Variants in KMT2E observed in about 807,000 individuals in gnomAD.
KMT2E encodes the protein histone reader KMT2E.
A neutral mutation model predicts 184.6 loss-of-function variants in KMT2E; 30 were observed. That is an observed-to-expected ratio of 0.16 (90% CI 0.12 to 0.22). KMT2E has a LOEUF of 0.22. KMT2E is among the 10% of genes least tolerant of loss of function. The pLI, the probability that KMT2E is intolerant of heterozygous loss-of-function variation, is 1.00. For synonymous variants in KMT2E, 815 were observed against 776.5 expected, an observed-to-expected ratio of 1.05 and a Z score of -0.82; for missense variants, 2,023 against 2,237.4, an observed-to-expected ratio of 0.90 and a Z score of 1.93.
chr7:105,071,824 T>C (rs1797334549), intron 6 of KMT2E, among the ~76,000 whole-genome samples: 1 of 151,430 alleles, frequency 6.6e-6, no homozygotes, highest in Non-Finnish European at 1.5e-5. Flanking sequence ...AACAGAGTGT[T>C]TGACAGACTT....
chr7:105,082,796 A>T (rs1423435501), intron 13 of KMT2E, among the ~76,000 whole-genome samples: 1 of 152,220 alleles, frequency 6.6e-6, no homozygotes, highest in Non-Finnish European at 1.5e-5. Flanking sequence ...TTCAGTGCCC[A>T]TATCATAGAA....
intron 6 of KMT2E, among the ~76,000 whole-genome samples, chr7:105,073,070 T>C (rs1317165148): frequency 6.6e-6 from 1 of 152,002 alleles, no homozygotes; most frequent in Non-Finnish European, 1.5e-5. Context: ...TTCAGACTTT[T>C]TGCTTTAAAT....
intron 15 of KMT2E, among the ~76,000 whole-genome samples, chr7:105,099,864 C>A (rs1798581948): frequency 1.3e-5 from 2 of 152,142 alleles, no homozygotes. Context: ...GGAAAATGAT[C>A]TTTTTAGTTA....
chr7:105,026,887 G>A (rs9655780), intron 1 of KMT2E, among the ~76,000 whole-genome samples: 135,094 of 152,134 alleles, frequency 0.89, 60,336 homozygotes, highest in East Asian at 1. Context: ...TTTAAAATTG[G>A]TACCTCTTAC....
At chr7:105,066,852 G>C in intron 6 of KMT2E, 45 bp downstream of exon 6, 1 of 1,247,096 alleles carries the variant, frequency 8.0e-7, no homozygotes, top group African/African-American at 1.5e-5. Flanking sequence ...TTTTACTGAG[G>C]TAATACTAGT....
intron 3 of KMT2E, among the ~76,000 whole-genome samples, chr7:105,060,724 C>T (rs954486575): frequency 6.6e-6 from 1 of 152,172 alleles, no homozygotes; most frequent in Admixed American, 6.5e-5. Flanking sequence ...GCATGAGCCA[C>T]CACACCCAGC....
Position 105,111,978 on chromosome 7 carries a change from A to C in KMT2E, c.4222A>C (p.Asn1408His), listed in dbSNP as rs575388598. ...ELQQKQLSNNNQALSKNHPPQ... is the reference protein window; with the variant it reads ...ELQQKQLSNNHQALSKNHPPQ... ...CCAACAAAAACAGCTATCAAATAAC[A>C]ACCAAGCACTTTCAAAGAATCATCC... is the stretch of plus-strand genomic sequence containing the variant. Residue 1408 changes from asparagine to histidine, a missense_variant, in exon 27 of 27, where the codon AAC becomes CAC. Asn to His is a moderately conservative substitution (Grantham distance 68). Transcript: ENST00000311117. 15 of 1,614,158 alleles carry C rather than the reference A, an allele frequency of 9.3e-6. No individual in the cohort carries two copies. Among genetic ancestry groups the C allele is most frequent in the Middle Eastern group, 1.6e-4 (1 of 6,062 alleles).
chr7:105,111,483 T>C (rs1799270551), intron 26 of KMT2E, among the ~76,000 whole-genome samples: 1 of 152,050 alleles, frequency 6.6e-6, no homozygotes, highest in Admixed American at 6.6e-5. Context: ...AATTATAAAA[T>C]TGAAACTTGC....
chr7:105,082,556 C>T (rs928019606), intron 13 of KMT2E, among the ~76,000 whole-genome samples: 1 of 151,992 alleles, frequency 6.6e-6, no homozygotes, highest in Non-Finnish European at 1.5e-5. Context: ...TCGTAAAGGT[C>T]TTCATCCTCA....
Position 105,077,441 on chromosome 7 carries a change from C to A in KMT2E, c.1130+8C>A. On this transcript the variant is annotated splice_region_variant and intron_variant, in intron 11 of 26. Transcript: ENST00000311117. Reference sequence around the variant, plus strand: ...TGGGTATTTCTTTAAAAGGTATATTCATTTATTTTCCCATGTTCATTTTCT... The same window carrying A: ...TGGGTATTTCTTTAAAAGGTATATTAATTTATTTTCCCATGTTCATTTTCT... The A allele has an allele frequency of 6.3e-7, 1 of 1,591,472 alleles. No homozygotes were observed. The highest frequency in any genetic ancestry group is 1.1e-5 in the South Asian group (1 of 87,458).
chr7:105,059,984 T>TG (rs1562898218), intron 3 of KMT2E, among the ~76,000 whole-genome samples: 13 of 44,110 alleles, frequency 2.9e-4, no homozygotes, highest in African/African-American at 8.7e-4. Flanking sequence ...TGTTGTTTTT[T>TG]TTTTTTTTTT....
intron 3 of KMT2E, among the ~76,000 whole-genome samples, chr7:105,058,713 G>C (rs1796671042): frequency 6.6e-6 from 1 of 152,066 alleles, no homozygotes; most frequent in Admixed American, 6.5e-5. Flanking sequence ...ATACCTTATT[G>C]CTTATATATT....
intron 3 of KMT2E, among the ~76,000 whole-genome samples, chr7:105,050,334 A>G (rs1027686620): frequency 1.1e-4 from 17 of 152,164 alleles, no homozygotes; most frequent in African/African-American, 4.1e-4. Flanking sequence ...ACTAACCACT[A>G]TTGGTCATTT....
intron 3 of KMT2E, among the ~76,000 whole-genome samples, chr7:105,052,607 A>G (rs945896280): frequency 6.6e-6 from 1 of 151,918 alleles, no homozygotes; most frequent in Non-Finnish European, 1.5e-5. Flanking sequence ...CGCCCAGGCT[A>G]GAGTGCAGTG....
intron 1 of KMT2E, among the ~76,000 whole-genome samples, chr7:105,035,266 G>A (rs78840648): frequency 4.0e-5 from 6 of 151,118 alleles, no homozygotes; most frequent in South Asian, 4.2e-4. Flanking sequence ...TCTCCTGACC[G>A]TGTGATCTGC....
chr7:105,079,382 C>T (rs1477341802), intron 12 of KMT2E, among the ~76,000 whole-genome samples: 1 of 151,660 alleles, frequency 6.6e-6, no homozygotes, highest in Non-Finnish European at 1.5e-5. Context: ...GTGATTTGCC[C>T]ATCTCAGCCT....
At chr7:105,062,101 T>G (rs1481781936) in intron 3 of KMT2E, 63 bp from the exon 4 acceptor site, 2 of 1,042,590 alleles carry the variant, frequency 1.9e-6, no homozygotes, top group East Asian at 4.7e-5. Flanking sequence ...ATCATTTTAA[T>G]TAAATTGATT....
In KMT2E at chr7:105,077,293, C is replaced by T. The variant is rs971178740; in HGVS notation, c.1000-10C>T. 9 of 1,606,584 alleles carry T rather than the reference C, an allele frequency of 5.6e-6. No individual in the cohort carries two copies. Among genetic ancestry groups the T allele is most frequent in the African/African-American group, 1.3e-5 (1 of 74,606 alleles). ...AGTTTATTTAATCTCAACATTTACT[C>T]TGATTTTAGAGCCATATACAAAAGA... On this transcript the variant is annotated splice_polypyrimidine_tract_variant and intron_variant, in intron 10 of 26. Coordinates refer to ENST00000311117, the MANE Select transcript of KMT2E (RefSeq NM_182931.3).
intron 15 of KMT2E, among the ~76,000 whole-genome samples, chr7:105,099,157 T>C (rs903233536): frequency 1.3e-5 from 2 of 152,234 alleles, no homozygotes; most frequent in African/African-American, 4.8e-5. Flanking sequence ...TTCCAAAATA[T>C]TTGTGTATTT....
Sources: allele counts gnomAD v4.1 joint callset (sites outside exome capture counted in the v4.1 genomes callset), GRCh38; gene constraint gnomAD v4.1.1; transcripts MANE v1.5; gene names NCBI Gene and HGNC (gene_info 2026-07-23, HGNC 2026-07-21).